Variants in UGT1A3 observed in about 807,000 individuals in gnomAD.
UGT1A3 encodes the protein UDP glucuronosyltransferase family 1 member A3, also known as UDP-glucuronosyltransferase 1A3.
Under a neutral mutation model 41.0 loss-of-function variants are expected in UGT1A3, and 31 were observed. The observed-to-expected ratio is 0.76, with a 90% CI of 0.57 to 1.02. UGT1A3 has a LOEUF of 1.02. Ranked by LOEUF, UGT1A3 falls within the 50% of genes least tolerant of loss-of-function variation. UGT1A3 has a pLI of 0.00. For missense variants in UGT1A3, 737 were observed against 671.0 expected (o/e 1.10, Z -1.09); for synonymous variants, 262 against 257.6 (o/e 1.02, Z -0.17).
At chr2:233,755,334 C>A (rs1041656249) in intron 1 of UGT1A3, 2 of 456,396 alleles carry the variant, frequency 4.4e-6, no homozygotes, top group Non-Finnish European at 7.5e-6. Flanking sequence ...AGCACCCGCG[C>A]ACAGGTCAGA....
chr2:233,769,918 G>T lies in UGT1A3; in HGVS notation c.1307+1479G>T. ...TGAGCATCATGTGCCCAGAGCGTTG[G>T]GTGGTGTGGTCCCATTCCTTCCTTC... is the stretch of plus-strand genomic sequence containing the variant. On this transcript the variant is annotated intron_variant, in intron 4 of 4. Coordinates refer to ENST00000482026, the MANE Select transcript of UGT1A3 (RefSeq NM_019093.4). This position sits in a 1 kb window ranked among gnomAD's most constrained non-coding sequence, Gnocchi z 4.4. The T allele has an allele frequency of 3.5e-6, 1 of 286,558 alleles. No homozygotes were observed. The highest frequency in any genetic ancestry group is 6.5e-6 in the Non-Finnish European group (1 of 153,120). 17.8% of individuals were successfully genotyped at this position (286,558 alleles called of 1,614,324 possible). A position where few individuals can be genotyped will look rare whatever the true frequency, so the allele number is the denominator to read the frequency against.
chr2:233,757,842 T>G (rs904843638), intron 1 of UGT1A3, among the ~76,000 whole-genome samples: 1 of 151,920 alleles, frequency 6.6e-6, no homozygotes, highest in Non-Finnish European at 1.5e-5. Context: ...GCCTACTAAC[T>G]TATGTCTTCA....
chr2:233,755,297 AC>A (rs1695850513), intron 1 of UGT1A3: 1 of 623,324 alleles, frequency 1.6e-6, no homozygotes, highest in Admixed American at 3.1e-5. Context: ...CCTGCGGGGC[AC>A]TGGCACAGCG....
In UGT1A3 at chr2:233,769,857, CAAAAA is replaced by C; in HGVS notation, c.1307+1431_1307+1435del. On this transcript the variant is annotated intron_variant, in intron 4 of 4. Coordinates refer to ENST00000482026, the MANE Select transcript of UGT1A3 (RefSeq NM_019093.4). This position sits in a 1 kb window ranked among gnomAD's most constrained non-coding sequence, Gnocchi z 4.4. ...TGGGCAACAGAGTGAGACCCTGTCT[CAAAAA>C]AAAAAAAAAAAATGAAAAGTCCACA... The C allele has an allele frequency of 3.2e-4, 71 of 223,570 alleles. No homozygotes were observed. Among genetic ancestry groups the C allele is most frequent in the South Asian group, 7.7e-4 (7 of 9,102 alleles). The allele number at this position is 223,570 out of a possible 1,614,324, so 13.8% of individuals were successfully genotyped here.
At chr2:233,750,521 T>C (rs528794181) in intron 1 of UGT1A3, 1 of 151,984 alleles carries the variant, frequency 6.6e-6, no homozygotes, top group East Asian at 1.9e-4. Context: ...GCCAAGACAA[T>C]GGGGAAAATG....
chr2:233,733,282 T>A (rs1222670290), intron 1 of UGT1A3, among the ~76,000 whole-genome samples: 1 of 152,234 alleles, frequency 6.6e-6, no homozygotes, highest in African/African-American at 2.4e-5. Flanking sequence ...CCTCTTTTCC[T>A]AATTGAATGC....
At chr2:233,759,612 A>G (rs992811783) in intron 1 of UGT1A3, among the ~76,000 whole-genome samples, 1 of 32,716 alleles carries the variant, frequency 3.1e-5, no homozygotes, top group African/African-American at 8.8e-5. Flanking sequence ...CGCCCCACCC[A>G]CCCACCTGTT....
rs552863758 is a variant in UGT1A3 at position 233,736,767 on chromosome 2, G to A, written c.867+6774G>A. Among the ~76,000 whole-genome samples, 7 of 152,324 alleles carry A rather than the reference G, an allele frequency of 4.6e-5. No individual in the cohort carries two copies. In the South Asian group the frequency reaches 1.2e-3, roughly 27 times the overall value. On this transcript the variant is annotated intron_variant, in intron 1 of 4. Transcript: ENST00000482026. ...CTGTTTGTTAGTTTTCCTTCTAACA[G>A]TCAGATCCCTCAGCTGCAGGTCTGT... is the stretch of plus-strand genomic sequence containing the variant.
In UGT1A3 at chr2:233,748,004, T is replaced by C. The variant is rs554173710; in HGVS notation, c.867+18011T>C. On this transcript the variant is annotated intron_variant, in intron 1 of 4. Coordinates refer to ENST00000482026, the MANE Select transcript of UGT1A3 (RefSeq NM_019093.4). ...TGTTCCGAGGGGACTTTGTGATGGATTACCCCAGGCCGATCATGCCCAACA... is the reference window on the plus strand; with the variant it reads ...TGTTCCGAGGGGACTTTGTGATGGACTACCCCAGGCCGATCATGCCCAACA... 1,894 of 1,613,440 alleles carry C rather than the reference T, an allele frequency of 1.2e-3. 7 individuals are homozygous for C. Among genetic ancestry groups the C allele is most frequent in the Non-Finnish European group, 1.4e-3 (1,636 of 1,179,848 alleles).
At chr2:233,730,125 A>G (rs2077990033) in intron 1 of UGT1A3, 132 bp downstream of exon 1, 5 of 1,544,888 alleles carry the variant, frequency 3.2e-6, no homozygotes, top group Non-Finnish European at 4.4e-6. Flanking sequence ...TTGTCATAAT[A>G]GCCTTCAGTG....
rs1007277466 is a variant in UGT1A3 at position 233,747,537 on chromosome 2, A to G, written c.867+17544A>G. On this transcript the variant is annotated intron_variant, in intron 1 of 4. Coordinates refer to ENST00000482026, the MANE Select transcript of UGT1A3 (RefSeq NM_019093.4). ...CTTTGAAACAGAACATTTTCTGAAG[A>G]CATTTTCTAAAAGTATGGCAATTTT... The G allele has an allele frequency of 2.1e-5, 33 of 1,604,828 alleles. No individual in the cohort carries two copies. The Admixed American group carries it at 5.3e-4, about 26-fold the overall frequency.
intron 1 of UGT1A3, among the ~76,000 whole-genome samples, chr2:233,734,101 T>TATAATA (rs549143261): frequency 6.3e-4 from 96 of 151,394 alleles, no homozygotes; most frequent in African/African-American, 1.8e-3. Flanking sequence ...AAACTTAAAG[T>TATAATA]ATAATAATAA....
chr2:233,747,722 G>T (rs554726929), intron 1 of UGT1A3: 13 of 1,612,764 alleles, frequency 8.1e-6, no homozygotes, highest in South Asian at 3.3e-5. Context: ...TTCCTGCTGT[G>T]TTTTTTTTGA....
intron 1 of UGT1A3, chr2:233,747,663 A>G (rs1693743118): frequency 1.9e-6 from 3 of 1,600,614 alleles, no homozygotes; most frequent in Admixed American, 1.7e-5. Flanking sequence ...TGTGGTTTTA[A>G]TAGACCCAAT....
chr2:233,743,834 A>G lies in UGT1A3; in HGVS notation c.867+13841A>G, dbSNP rs1692538057. 1 of 1,366,970 alleles carries G rather than the reference A, an allele frequency of 7.3e-7. No homozygotes were observed. Among genetic ancestry groups the G allele is most frequent in the South Asian group, 1.1e-5 (1 of 88,054 alleles). The allele number at this position is 1,366,970 out of a possible 1,614,324, so 84.7% of individuals were successfully genotyped here. On this transcript the variant is annotated intron_variant, in intron 1 of 4. Coordinates refer to ENST00000482026, the MANE Select transcript of UGT1A3 (RefSeq NM_019093.4). ...AGGGTTTTTGTCGGGGTGCCACTTG[A>G]GCGCCAGCTTGCGGTACGCCTTCTT...
At chr2:233,743,343 C>T in intron 1 of UGT1A3, 5 of 866,282 alleles carry the variant, frequency 5.8e-6, no homozygotes, top group South Asian at 1.4e-5. Context: ...CAGTGGAAGT[C>T]GACATGGACT....
At chr2:233,753,025 C>CA in intron 1 of UGT1A3, among the ~76,000 whole-genome samples, 1 of 152,200 alleles carries the variant, frequency 6.6e-6, no homozygotes, top group East Asian at 1.9e-4. Context: ...ATTTACAACA[C>CA]AAAAAACTAC....
intron 1 of UGT1A3, among the ~76,000 whole-genome samples, chr2:233,740,004 G>C (rs1691279372): frequency 6.6e-6 from 1 of 151,810 alleles, no homozygotes; most frequent in African/African-American, 2.4e-5. Context: ...GTCATACTAA[G>C]TGAGTTCTCA....
Position 233,736,651 on chromosome 2 carries a change from G to A in UGT1A3, c.867+6658G>A, listed in dbSNP as rs2078789354. Reference sequence around the variant, plus strand: ...GCTCTAGTTTCCCCCCATCTTTGTGGTTTTATGTACCTTAGGTCTTTGATG... The same window carrying A: ...GCTCTAGTTTCCCCCCATCTTTGTGATTTTATGTACCTTAGGTCTTTGATG... On this transcript the variant is annotated intron_variant, in intron 1 of 4. Transcript: ENST00000482026. Among the ~76,000 whole-genome samples the A allele has an allele frequency of 2.0e-5, 3 of 152,328 alleles. No individual in the cohort carries two copies. The South Asian group carries it at 6.2e-4, about 32-fold the overall frequency.
Sources: gnomAD v4.1 joint callset for allele counts (sites outside exome capture counted in the v4.1 genomes callset) on GRCh38, gnomAD v4.1.1 for gene constraint, Gnocchi (gnomAD v3.1) non-coding constraint, MANE v1.5 for transcripts, NCBI Gene and HGNC (gene_info 2026-07-23, HGNC 2026-07-21) for gene names.